Variants in RPGRIP1L observed in about 807,000 individuals in gnomAD.
The protein encoded by RPGRIP1L is protein fantom.
Under a neutral mutation model 160.4 loss-of-function variants are expected in RPGRIP1L, and 131 were observed. The observed-to-expected ratio is 0.82, with a 90% confidence interval of 0.71 to 0.94. The LOEUF is 0.94. RPGRIP1L is among the 40% of genes least tolerant of loss of function. The pLI, the probability that RPGRIP1L is intolerant of heterozygous loss-of-function variation, is 0.00. For missense variants in RPGRIP1L, 1,522 were observed against 1,535.8 expected (o/e 0.99, Z 0.15); for synonymous variants, 510 against 515.8 (o/e 0.99, Z 0.15).
In RPGRIP1L at chr16:53,638,354, G is replaced by A. The variant is rs756538968; in HGVS notation, c.3016C>T (p.Pro1006Ser). Reference protein sequence around the residue: ...KEISPEVEHIPEIEINMLTVP... With the variant: ...KEISPEVEHISEIEINMLTVP... ...GTCAGCATATTAATTTCTATTTCTG[G>A]TATATGCTCTACCTCTGGTGAAATT... The change falls in exon 20 of 27, where the codon CCA becomes TCA. Residue 1006 changes from proline to serine, a missense_variant. Transcript: ENST00000647211. The A allele has an allele frequency of 1.9e-6, 3 of 1,598,310 alleles. No homozygotes were observed. Among genetic ancestry groups the A allele is most frequent in the Non-Finnish European group, 1.7e-6 (2 of 1,166,342 alleles).
intron 9 of RPGRIP1L, among the ~76,000 whole-genome samples, chr16:53,667,803 G>A (rs1968395920): frequency 1.3e-5 from 2 of 152,072 alleles, no homozygotes; most frequent in South Asian, 4.1e-4. Flanking sequence ...AACCTGGGAG[G>A]CAGGGGTTGC....
intron 9 of RPGRIP1L, among the ~76,000 whole-genome samples, chr16:53,669,339 T>C (rs1435410493): frequency 6.6e-6 from 1 of 152,256 alleles, no homozygotes; most frequent in East Asian, 1.9e-4. Context: ...ATTAAATGTT[T>C]TGACACTCAT....
chr16:53,657,642 A>G lies in RPGRIP1L; in HGVS notation c.1402-10T>C. On this transcript the variant is annotated splice_polypyrimidine_tract_variant and intron_variant, in intron 12 of 26. Transcript: ENST00000647211. ...TTTGTTCTTTTTGAGCCTAAAATAA[A>G]AAACATGTTTTATGACTGAAACAAA... The G allele has an allele frequency of 6.5e-7, 1 of 1,532,580 alleles. No individual in the cohort carries two copies. The highest frequency in any genetic ancestry group is 8.9e-7 in the Non-Finnish European group (1 of 1,120,392). 94.9% of individuals were successfully genotyped at this position (1,532,580 alleles called of 1,614,324 possible).
chr16:53,698,376 G>GC (rs576476254), intron 2 of RPGRIP1L, among the ~76,000 whole-genome samples: 1 of 134,368 alleles, frequency 7.4e-6, no homozygotes, highest in Non-Finnish European at 1.6e-5. Context: ...TGGGGGGTCA[G>GC]CCCCCCGCCC....
chr16:53,666,303 T>A (rs1598360374), intron 9 of RPGRIP1L, among the ~76,000 whole-genome samples: 1 of 152,228 alleles, frequency 6.6e-6, no homozygotes, highest in African/African-American at 2.4e-5. Context: ...AAATATGACA[T>A]CTGTTTCTTC....
rs544402379 is a variant in RPGRIP1L at position 53,681,037 on chromosome 16, A to G, written c.776+5396T>C. ...CTTTCCATTTTTCTGAAGGTTTGCAATTTCTCAAAATGAAAAGTTGGGCAT... is the reference window on the plus strand; with the variant it reads ...CTTTCCATTTTTCTGAAGGTTTGCAGTTTCTCAAAATGAAAAGTTGGGCAT... On this transcript the variant is annotated intron_variant, in intron 6 of 26. Coordinates refer to ENST00000647211, the MANE Select transcript of RPGRIP1L (RefSeq NM_015272.5). Among the ~76,000 whole-genome samples the G allele has an allele frequency of 3.3e-5, 5 of 152,294 alleles. No individual in the cohort carries two copies. In the South Asian group the frequency reaches 6.2e-4, roughly 19 times the overall value.
chr16:53,630,579 G>C (rs117206242), intron 22 of RPGRIP1L, among the ~76,000 whole-genome samples: 5 of 152,240 alleles, frequency 3.3e-5, no homozygotes, highest in Non-Finnish European at 7.4e-5. Flanking sequence ...AATATTATAG[G>C]TATGTTGAAA....
Position 53,652,766 on chromosome 16 carries a change from C to G in RPGRIP1L, c.1921G>C (p.Glu641Gln). Residue 641 changes from glutamate (E) to glutamine (Q), a missense_variant, in exon 15 of 27, where the codon GAA becomes CAA. By Grantham distance (29) the Glu-to-Gln change is conservative (BLOSUM62 2). Coordinates refer to ENST00000647211, the MANE Select transcript of RPGRIP1L (RefSeq NM_015272.5). Reference sequence around the variant, plus strand: ...CGCACTACGGGAGTTGTCTGTAGTTCAAAATCATAGAAAGCATAGGTACAG... The same window carrying G: ...CGCACTACGGGAGTTGTCTGTAGTTGAAAATCATAGAAAGCATAGGTACAG... ...TFCTYAFYDF[E>Q]LQTTPVVRGL... The G allele has an allele frequency of 6.2e-7, 1 of 1,614,088 alleles. No individual in the cohort carries two copies. The highest frequency in any genetic ancestry group is 8.5e-7 in the Non-Finnish European group (1 of 1,179,976).
At chr16:53,635,700 C>T (rs924898340) in intron 22 of RPGRIP1L, 6 of 152,008 alleles carry the variant, frequency 3.9e-5, no homozygotes, top group Non-Finnish European at 8.8e-5. Context: ...CAATTCTTAT[C>T]AATAAACTAA....
At chr16:53,675,201 T>C in intron 6 of RPGRIP1L, 79 bp from the exon 7 acceptor site, 1 of 853,566 alleles carries the variant, frequency 1.2e-6, no homozygotes, top group South Asian at 1.4e-5. Flanking sequence ...GGAATCACAA[T>C]TTTTCAACTA....
chr16:53,638,759 A>G (rs952516005), intron 19 of RPGRIP1L, among the ~76,000 whole-genome samples: 3 of 151,802 alleles, frequency 2.0e-5, no homozygotes, highest in African/African-American at 7.2e-5. Context: ...AATGATGTAG[A>G]CCTGTGTTTA....
At chr16:53,663,112 T>C (rs4467070) in intron 10 of RPGRIP1L, among the ~76,000 whole-genome samples, 93,732 of 151,744 alleles carry the variant, frequency 0.62, 30,611 homozygotes, top group Non-Finnish European at 0.71. Flanking sequence ...TTTGCTAATA[T>C]TTTGTGGGTT....
intron 4 of RPGRIP1L, among the ~76,000 whole-genome samples, chr16:53,689,254 C>A (rs999809254): frequency 6.6e-5 from 10 of 152,032 alleles, no homozygotes; most frequent in Non-Finnish European, 1.5e-5. Context: ...GGGAATATTT[C>A]AAATCTCTTC....
intron 22 of RPGRIP1L, among the ~76,000 whole-genome samples, chr16:53,624,168 A>C (rs1964919307): frequency 6.6e-6 from 1 of 152,236 alleles, no homozygotes; most frequent in South Asian, 2.1e-4. Context: ...CCAGGATCAC[A>C]GGTGTGAACC....
intron 2 of RPGRIP1L, among the ~76,000 whole-genome samples, chr16:53,697,560 C>T (rs972543319): frequency 3.9e-5 from 6 of 152,236 alleles, no homozygotes; most frequent in Non-Finnish European, 7.3e-5. Flanking sequence ...GACGGGGTTT[C>T]GCTGTGTTGG....
intron 10 of RPGRIP1L, among the ~76,000 whole-genome samples, chr16:53,662,837 G>A (rs900629560): frequency 6.6e-6 from 1 of 151,880 alleles, no homozygotes; most frequent in Non-Finnish European, 1.5e-5. Context: ...GAAAATAATC[G>A]GATAAATGTG....
At position 53,599,078 on chromosome 16, in the gene RPGRIP1L, A is replaced by C. The variant is rs976450007; in HGVS notation, c.*2998T>G. ...CTGGTTTTCATTTTCACAGCTCTTGATGTCAGATTACTAAAATAATTTATG... is the reference window on the plus strand; with the variant it reads ...CTGGTTTTCATTTTCACAGCTCTTGCTGTCAGATTACTAAAATAATTTATG... On this transcript the variant is annotated 3_prime_UTR_variant, in exon 27 of 27. Transcript: ENST00000647211. 6.6e-6 allele frequency: 1 copy of C among 152,170 alleles called. No homozygotes were observed. The highest frequency in any genetic ancestry group is 1.5e-5 in the Non-Finnish European group (1 of 68,032). The allele number at this position is 152,170 out of a possible 1,614,324, so 9.4% of individuals were successfully genotyped here.
intron 16 of RPGRIP1L, 73 bp from the exon 17 acceptor site, chr16:53,646,076 A>G: frequency 2.9e-6 from 4 of 1,395,652 alleles, no homozygotes; most frequent in African/African-American, 2.9e-5. Flanking sequence ...CAAGCCCCAA[A>G]TAAGATAATT....
chr16:53,678,531 A>C (rs533076799), intron 6 of RPGRIP1L, among the ~76,000 whole-genome samples: 40 of 152,326 alleles, frequency 2.6e-4, no homozygotes, highest in African/African-American at 9.6e-4. Context: ...CATATACTTT[A>C]TTCCCCAGGC....
Sources: gnomAD v4.1 joint callset for allele counts (sites outside exome capture counted in the v4.1 genomes callset) on GRCh38, gnomAD v4.1.1 for gene constraint, MANE v1.5 for transcripts, NCBI Gene and HGNC (gene_info 2026-07-23, HGNC 2026-07-21) for gene names.